MITF: variants seen among roughly 807,000 people sequenced by gnomAD.
The protein encoded by MITF is microphthalmia-associated transcription factor.
Under a neutral mutation model 60.5 loss-of-function variants are expected in MITF, and 17 were observed. The ratio of observed to expected loss-of-function variants is 0.28; its 90% CI spans 0.19 to 0.42. MITF has a LOEUF of 0.42. MITF is among the 10% of genes least tolerant of loss of function. The pLI is 1.00. For synonymous variants in MITF, 260 were observed against 248.5 expected (o/e 1.05, Z -0.43); for missense variants, 622 against 683.5 (o/e 0.91, Z 1.00).
chr3:69,849,728 T>A (rs1292308388), intron 1 of MITF, among the ~76,000 whole-genome samples: 1 of 152,200 alleles, frequency 6.6e-6, no homozygotes, highest in East Asian at 1.9e-4. Flanking sequence ...AACTCTTGCC[T>A]GGACCATTTC....
chr3:69,835,798 T>G (rs2063530957), intron 1 of MITF, among the ~76,000 whole-genome samples: 1 of 152,182 alleles, frequency 6.6e-6, no homozygotes, highest in East Asian at 1.9e-4. Context: ...GTGTGCTAAT[T>G]TATTTCTGGG....
rs951555108 is a variant in MITF, at chr3:69,951,852, C to T, written c.921C>T (p.Ala307=). The change falls in exon 7 of 10, where the codon GCC becomes GCT. Residue 307 remains alanine (A), a synonymous_variant. Coordinates refer to ENST00000352241, the MANE Select transcript of MITF (RefSeq NM_001354604.2). ...FPTESEARAL[A]KERQKKDNHN... is the part of the protein sequence containing the mutation. Reference sequence around the variant, plus strand: ...CAGAGTCTGAAGCAAGAGCACTGGCCAAAGAGAGGCAGAAAAAGGACAATC... The same window carrying T: ...CAGAGTCTGAAGCAAGAGCACTGGCTAAAGAGAGGCAGAAAAAGGACAATC... 4 of 1,613,208 alleles carry T rather than the reference C, an allele frequency of 2.5e-6. No individual in the cohort carries two copies. The highest frequency in any genetic ancestry group is 2.5e-6 in the Non-Finnish European group (3 of 1,179,608).
intron 1 of MITF, among the ~76,000 whole-genome samples, chr3:69,832,757 T>C (rs2063470525): frequency 6.6e-6 from 1 of 152,212 alleles, no homozygotes; most frequent in Non-Finnish European, 1.5e-5. Flanking sequence ...TATTTCCCTA[T>C]TTACACTATA....
At chr3:69,854,808 C>CA (rs1037439723) in intron 1 of MITF, among the ~76,000 whole-genome samples, 3 of 152,136 alleles carry the variant, frequency 2.0e-5, no homozygotes, top group African/African-American at 7.2e-5. Context: ...TTGCAAAAAC[C>CA]AAAAATGTCT....
intron 1 of MITF, among the ~76,000 whole-genome samples, chr3:69,857,838 T>C (rs1392062451): frequency 2.6e-5 from 4 of 152,136 alleles, no homozygotes; most frequent in African/African-American, 7.2e-5. Flanking sequence ...TGAATGGATT[T>C]TAATAATTTT....
Position 69,879,358 on chromosome 3 carries a change from C to T in MITF, c.329C>T (p.Thr110Met), listed in dbSNP as rs190215588. 231 of 1,614,212 alleles carry T rather than the reference C, an allele frequency of 1.4e-4. No individual in the cohort carries two copies. In the Middle Eastern group the frequency reaches 2.3e-3, roughly 16 times the overall value. ...VSVPTTLPSA[T>M]QVPMEVLKVQ... ...GTGCCCACCACCCTTCCCTCTGCCA[C>T]GCAGGTGCCGATGGAAGTCCTTAAG... The change falls in exon 2 of 10, where the codon ACG becomes ATG. Residue 110 changes from threonine to methionine, a missense_variant. Physicochemically the swap from Thr to Met is moderately conservative, Grantham distance 81 (BLOSUM62 -1). Coordinates refer to ENST00000352241, the MANE Select transcript of MITF (RefSeq NM_001354604.2).
At chr3:69,938,569 G>T in intron 3 of MITF, 2 of 1,395,084 alleles carry the variant, frequency 1.4e-6, no homozygotes. Context: ...AAACGCAAAG[G>T]TTTAATTGCT....
At position 69,879,203 on chromosome 3, in the gene MITF, G is replaced by C. The variant is rs1311178415; in HGVS notation, c.174G>C (p.Leu58Phe). The change falls in exon 2 of 10, where the codon TTG (leucine) becomes TTC (phenylalanine). Residue 58 changes from leucine to phenylalanine, a missense_variant. By Grantham distance (22) the Leu-to-Phe change is conservative. This residue lies in a region of MITF where 149 missense variants were observed against 157.8 expected (regional missense o/e 0.94). Transcript: ENST00000352241. ...ISSSSMTSRI[L>F]LRQQLMREQM... ...CCTCCAGTATGACATCACGCATCTT[G>C]CTACGCCAGCAACTCATGCGTGAGC... 6.2e-7 allele frequency: 1 copy of C among 1,614,246 alleles called. No homozygotes were observed. Among genetic ancestry groups the C allele is most frequent in the Non-Finnish European group, 8.5e-7 (1 of 1,180,042 alleles).
chr3:69,763,860 A>G (rs1365390565), intron 1 of MITF: 3 of 1,374,360 alleles, frequency 2.2e-6, no homozygotes, highest in Non-Finnish European at 2.9e-6. Flanking sequence ...CCTTGAAAAT[A>G]CTTCAGTGGT....
chr3:69,756,322 C>A (rs1247712454), intron 1 of MITF, among the ~76,000 whole-genome samples: 1 of 152,058 alleles, frequency 6.6e-6, no homozygotes, highest in Non-Finnish European at 1.5e-5. Context: ...TGTGATGTTC[C>A]CCTCCCTGTG....
intron 1 of MITF, among the ~76,000 whole-genome samples, chr3:69,861,659 C>T (rs1372814371): frequency 1.3e-5 from 2 of 152,130 alleles, no homozygotes; most frequent in East Asian, 1.9e-4. Context: ...CTGGAGTGAA[C>T]GCCTGGAAAG....
chr3:69,796,349 T>C (rs2062827056), intron 1 of MITF, among the ~76,000 whole-genome samples: 1 of 152,182 alleles, frequency 6.6e-6, no homozygotes, highest in African/African-American at 2.4e-5. Context: ...GCATTCTTTC[T>C]TATTTAGAAA....
chr3:69,844,492 A>G (rs1165501295), intron 1 of MITF, among the ~76,000 whole-genome samples: 1 of 152,208 alleles, frequency 6.6e-6, no homozygotes, highest in Non-Finnish European at 1.5e-5. Flanking sequence ...AAAGACTTAA[A>G]CATAAGACCT....
At chr3:69,955,744 A>G (rs961221496) in intron 7 of MITF, among the ~76,000 whole-genome samples, 8 of 152,006 alleles carry the variant, frequency 5.3e-5, no homozygotes, top group Admixed American at 3.9e-4. Context: ...GACCCAGGAG[A>G]TGGAGGTCGC....
intron 1 of MITF, among the ~76,000 whole-genome samples, chr3:69,822,413 T>A (rs2107054937): frequency 6.6e-6 from 1 of 152,326 alleles, no homozygotes; most frequent in East Asian, 1.9e-4. Flanking sequence ...TTCTTGGATT[T>A]TGTTAATTCA....
At chr3:69,830,605 C>A (rs6782552) in intron 1 of MITF, among the ~76,000 whole-genome samples, 50,510 of 151,982 alleles carry the variant, frequency 0.33, 9,476 homozygotes, top group Non-Finnish European at 0.42. Context: ...CCCTCCCCAT[C>A]CCGATGCTTC....
rs187849793 is a variant in MITF at position 69,798,525 on chromosome 3, G to T, written c.104+58824G>T. Among the ~76,000 whole-genome samples, 3 of 152,282 alleles carry T rather than the reference G, an allele frequency of 2.0e-5. No homozygotes were observed. In the East Asian group the frequency reaches 5.8e-4, roughly 29 times the overall value. ...TAGCTGCTACTATTATTATGATTGT[G>T]GTTGTTATTGTCATTTTCATGATTA... On this transcript the variant is annotated intron_variant, in intron 1 of 9. Transcript: ENST00000352241.
chr3:69,938,347 T>C lies in MITF; in HGVS notation c.582+298T>C, dbSNP rs748621067. On this transcript the variant is annotated intron_variant, in intron 3 of 9. Coordinates refer to ENST00000352241, the MANE Select transcript of MITF (RefSeq NM_001354604.2). ...GAGTGCTCTCTTCTCTTCCATGCCT[T>C]TCAGTTTATGAAGCAGTGAGAATGC... 3.8e-6 allele frequency: 6 copies of C among 1,571,538 alleles called. No homozygotes were observed. In the South Asian group the frequency reaches 4.7e-5, roughly 12 times the overall value.
At chr3:69,935,311 A>G (rs1352615359) in intron 2 of MITF, among the ~76,000 whole-genome samples, 2 of 152,258 alleles carry the variant, frequency 1.3e-5, no homozygotes, top group Non-Finnish European at 2.9e-5. Flanking sequence ...AGTGCCACAT[A>G]GAAAGCAAAT....
Sources: gnomAD v4.1 joint callset for allele counts (sites outside exome capture counted in the v4.1 genomes callset) on GRCh38, gnomAD v4.1.1 for gene constraint, gnomAD v4.1.1 regional missense constraint, MANE v1.5 for transcripts, NCBI Gene and HGNC (gene_info 2026-07-23, HGNC 2026-07-21) for gene names.